Variants in XPC observed in about 807,000 individuals in gnomAD.
XPC encodes the protein DNA repair protein complementing XP-C cells.
In XPC, 76 loss-of-function variants were observed where a neutral mutation model predicts 95.8. The observed-to-expected ratio is 0.79, with a 90% confidence interval of 0.66 to 0.96. The LOEUF (loss-of-function observed/expected upper bound fraction) is 0.96, where lower values mean the gene tolerates loss of function less well. XPC is among the 40% of genes least tolerant of loss of function. XPC has a pLI of 0.00. For missense variants in XPC, 1,146 were observed against 1,179.8 expected (o/e 0.97, Z 0.42); for synonymous variants, 442 against 442.1 (o/e 1.00, Z 0.00).
intron 11 of XPC, chr3:14,151,778 A>C (rs1225957622): frequency 1.3e-5 from 2 of 154,596 alleles, no homozygotes; most frequent in Non-Finnish European, 2.9e-5. Context: ...TGAAAGGAGC[A>C]CTGGCTTTAA....
Position 14,146,103 on chromosome 3 carries a change from CTCT to C in XPC, c.2658_2660del (p.Glu888del). 1 of 1,612,178 alleles carries C rather than the reference CTCT, an allele frequency of 6.2e-7. No homozygotes were observed. Among genetic ancestry groups the C allele is most frequent in the Non-Finnish European group, 8.5e-7 (1 of 1,179,456 alleles). ...CTTCTGCTTGAGAGCTGGTCCCCTCCTCTTCATCAGAAGAGAGTCCACCTCCTG... is the reference window on the plus strand; with the variant it reads ...CTTCTGCTTGAGAGCTGGTCCCCTCCTCATCAGAAGAGAGTCCACCTCCTG... On this transcript the variant is annotated inframe_deletion, in exon 16 of 16. Coordinates refer to ENST00000285021, the MANE Select transcript of XPC (RefSeq NM_004628.5).
At chr3:14,164,986 T>C in intron 6 of XPC, 53 bp from the exon 7 acceptor site, 1 of 1,559,998 alleles carries the variant, frequency 6.4e-7, no homozygotes, top group Non-Finnish European at 8.6e-7. Flanking sequence ...AAGGGGAATT[T>C]TCATTTCCAG....
chr3:14,157,578 C>T (rs1695969330), intron 9 of XPC, among the ~76,000 whole-genome samples: 1 of 152,092 alleles, frequency 6.6e-6, no homozygotes, highest in Non-Finnish European at 1.5e-5. Flanking sequence ...ATTCCGAGAC[C>T]CCTCTTTCCC....
chr3:14,167,377 G>C, intron 4 of XPC, 124 bp from the exon 5 acceptor site: 1 of 855,600 alleles, frequency 1.2e-6, no homozygotes, highest in Non-Finnish European at 1.7e-6. Context: ...ACACAAGGCT[G>C]TGCTACTCAA....
In XPC at chr3:14,158,140, G is replaced by A. The variant is rs771155424; in HGVS notation, c.1743C>T (p.Val581=). ...TCCAGACTGGGTCGTACCTCTGTGT[G>A]ACATCTCGGACCCAGCCGTCACTGT... ...GIDSDGWVRD[V]TQRYDPVWMT... The change falls in exon 9 of 16, where the codon GTC becomes GTT. Residue 581 remains valine (V), a synonymous_variant. Transcript: ENST00000285021. The surrounding 1 kb of genome is among the most constrained non-coding windows in gnomAD (Gnocchi z 5.2). The A allele has an allele frequency of 3.7e-6, 6 of 1,613,952 alleles. No individual in the cohort carries two copies. The highest frequency in any genetic ancestry group is 3.4e-6 in the Non-Finnish European group (4 of 1,179,886).
At chr3:14,175,431 C>T (rs564974967) in intron 1 of XPC, among the ~76,000 whole-genome samples, 6 of 152,244 alleles carry the variant, frequency 3.9e-5, no homozygotes, top group Non-Finnish European at 7.3e-5. Flanking sequence ...TAGCTCTTAT[C>T]ATCATGTGAA....
chr3:14,156,593 T>C, intron 9 of XPC, 98 bp from the exon 10 acceptor site: 3 of 1,546,998 alleles, frequency 1.9e-6, no homozygotes, highest in Non-Finnish European at 2.7e-6. Flanking sequence ...TGACAACAGA[T>C]GGTGGAGCCA....
At chr3:14,155,249 C>T (rs902069397) in intron 10 of XPC, among the ~76,000 whole-genome samples, 1 of 152,244 alleles carries the variant, frequency 6.6e-6, no homozygotes, top group African/African-American at 2.4e-5. Flanking sequence ...ATCGCCCACT[C>T]TCATGTGGGT....
chr3:14,152,674 C>T, intron 10 of XPC: 1 of 422,926 alleles, frequency 2.4e-6, no homozygotes, highest in Non-Finnish European at 4.2e-6. Context: ...TCCTCCCCTT[C>T]ATAGGTTTTC....
At position 14,158,171 on chromosome 3, in the gene XPC, C is replaced by A. The variant is rs868741563; in HGVS notation, c.1712G>T (p.Gly571Val). 1.9e-6 allele frequency: 3 copies of A among 1,613,960 alleles called. No individual in the cohort carries two copies. The South Asian group carries it at 3.3e-5, about 18-fold the overall frequency. The change falls in exon 9 of 16, where the codon GGC (glycine) becomes GTC (valine). Residue 571 changes from glycine to valine, a missense_variant. Coordinates refer to ENST00000285021, the MANE Select transcript of XPC (RefSeq NM_004628.5). This position sits in a 1 kb window ranked among gnomAD's most constrained non-coding sequence, Gnocchi z 5.2. ...TCGGACCCAGCCGTCACTGTCAATG[C>A]CCACCACATAGGTCATGGGCTTGGT... ...YATKPMTYVVGIDSDGWVRDV... is the reference protein window; with the variant it reads ...YATKPMTYVVVIDSDGWVRDV...
Position 14,145,724 on chromosome 3 carries a change from C to T in XPC, c.*217G>A, listed in dbSNP as rs978755557. 7.0e-6 allele frequency: 5 copies of T among 710,468 alleles called. No individual in the cohort carries two copies. The highest frequency in any genetic ancestry group is 3.5e-5 in the African/African-American group (2 of 57,340). The allele number at this position is 710,468 out of a possible 1,614,324, so 44.0% of individuals were successfully genotyped here. A position where few individuals can be genotyped will look rare whatever the true frequency, so the allele number is the denominator to read the frequency against. ...TAGCAAAAAGCTTTGAAGGCTTCAC[C>T]CTGGGTGAATCTGACAAGGGCTGGA... On this transcript the variant is annotated 3_prime_UTR_variant, in exon 16 of 16. Transcript: ENST00000285021.
chr3:14,147,829 C>T (rs1415354104), intron 14 of XPC, 79 bp downstream of exon 14: 13 of 1,293,632 alleles, frequency 1.0e-5, no homozygotes, highest in African/African-American at 4.4e-5. Context: ...CACACGGAGG[C>T]GGCCTGGGGA....
intron 7 of XPC, among the ~76,000 whole-genome samples, chr3:14,161,457 G>A (rs528744960): frequency 1.3e-5 from 2 of 151,348 alleles, no homozygotes; most frequent in South Asian, 2.1e-4. Context: ...CATATGAAAA[G>A]GCTTATACAA....
At chr3:14,164,573 G>A (rs1312384477) in intron 7 of XPC, 2 of 422,204 alleles carry the variant, frequency 4.7e-6, no homozygotes, top group African/African-American at 4.2e-5. Context: ...AGGCGATAGG[G>A]AGGAAAGCAT....
In XPC at chr3:14,148,939, C is replaced by T; in HGVS notation, c.2125G>A (p.Gly709Ser). 6.2e-7 allele frequency: 1 copy of T among 1,614,004 alleles called. No individual in the cohort carries two copies. Among genetic ancestry groups the T allele is most frequent in the Non-Finnish European group, 8.5e-7 (1 of 1,179,900 alleles). The change falls in exon 12 of 16, where the codon GGC (glycine) becomes AGC (serine). Residue 709 changes from glycine to serine, a missense_variant. Physicochemically the swap from Gly to Ser is moderately conservative, Grantham distance 56. Coordinates refer to ENST00000285021, the MANE Select transcript of XPC (RefSeq NM_004628.5). ...GCTTTCCGAGCACGGTTAGAAAAGCCTTTCACCATCTGCACCAGAGGACAC... is the reference window on the plus strand; with the variant it reads ...GCTTTCCGAGCACGGTTAGAAAAGCTTTTCACCATCTGCACCAGAGGACAC... ...LGEVPYKMVK[G>S]FSNRARKARL...
At chr3:14,168,892 C>T (rs1007229297) in intron 3 of XPC, among the ~76,000 whole-genome samples, 9 of 152,318 alleles carry the variant, frequency 5.9e-5, no homozygotes, top group Admixed American at 3.9e-4. Context: ...TCACCCCCTA[C>T]GTTGCTTGTA....
intron 7 of XPC, among the ~76,000 whole-genome samples, chr3:14,160,640 C>T (rs141669116): frequency 6.6e-6 from 1 of 152,214 alleles, no homozygotes; most frequent in South Asian, 2.1e-4. Context: ...CACTGTCACA[C>T]ACTGGAGGAG....
At chr3:14,172,730 C>T in intron 2 of XPC, 137 bp downstream of exon 2, 1 of 984,954 alleles carries the variant, frequency 1.0e-6, no homozygotes, top group Non-Finnish European at 1.4e-6. Flanking sequence ...TCTTACCGGT[C>T]TGAGTTGTAC....
In XPC at chr3:14,146,109, A is replaced by G. The variant is rs776266193; in HGVS notation, c.2655T>C (p.Asp885=). The part of the protein sequence containing the change: ...HTDAGGGLSS[D]EEEGTSSQAE... The stretch of plus-strand genomic sequence containing the variant: ...CTTGAGAGCTGGTCCCCTCCTCTTC[A>G]TCAGAAGAGAGTCCACCTCCTGCAT... The change falls in exon 16 of 16, where the codon GAT becomes GAC. Residue 885 remains aspartate, a synonymous_variant. Coordinates refer to ENST00000285021, the MANE Select transcript of XPC (RefSeq NM_004628.5). 3 of 1,611,490 alleles carry G rather than the reference A, an allele frequency of 1.9e-6. No homozygotes were observed. The highest frequency in any genetic ancestry group is 2.2e-5 in the East Asian group (1 of 44,816).
Sources: gnomAD v4.1 joint callset for allele counts (sites outside exome capture counted in the v4.1 genomes callset) on GRCh38, gnomAD v4.1.1 for gene constraint, Gnocchi (gnomAD v3.1) non-coding constraint, MANE v1.5 for transcripts, NCBI Gene and HGNC (gene_info 2026-07-23, HGNC 2026-07-21) for gene names.